The following KIF26B variants were observed in gnomAD, a reference collection of about 807,000 sequenced individuals.
The protein encoded by KIF26B is kinesin-like protein KIF26B.
Under a neutral mutation model 151.2 loss-of-function variants are expected in KIF26B, and 63 were observed. The ratio of observed to expected loss-of-function variants is 0.42; its 90% CI spans 0.34 to 0.51. The LOEUF is 0.51. Ranked by LOEUF, KIF26B falls within the 20% of genes least tolerant of loss-of-function variation. The pLI, the probability that KIF26B is intolerant of heterozygous loss-of-function variation, is 0.07. For missense variants in KIF26B, 2,813 were observed against 2,913.6 expected, an observed-to-expected ratio of 0.97 and a Z score of 0.79; for synonymous variants, 1,357 against 1,262.1, an observed-to-expected ratio of 1.08 and a Z score of -1.59.
At chr1:245,396,856 A>G (rs934078025) in intron 3 of KIF26B, among the ~76,000 whole-genome samples, 23 of 152,132 alleles carry the variant, frequency 1.5e-4, no homozygotes, top group African/African-American at 5.3e-4. Context: ...TGTGAAATAC[A>G]TGATGTTTCC....
chr1:245,544,995 A>T (rs1661706222), intron 5 of KIF26B, among the ~76,000 whole-genome samples: 1 of 152,136 alleles, frequency 6.6e-6, no homozygotes, highest in Non-Finnish European at 1.5e-5. Flanking sequence ...GAAGAAATGG[A>T]GGTAATTTCC....
At chr1:245,599,999 G>A (rs891303804) in intron 5 of KIF26B, among the ~76,000 whole-genome samples, 2 of 151,674 alleles carry the variant, frequency 1.3e-5, no homozygotes, top group East Asian at 2.0e-4. Context: ...TGTGATTCAC[G>A]CTATCCAGAG....
At chr1:245,482,196 A>G (rs1660180854) in intron 4 of KIF26B, among the ~76,000 whole-genome samples, 1 of 151,768 alleles carries the variant, frequency 6.6e-6, no homozygotes, top group Admixed American at 6.6e-5. Flanking sequence ...AGTTCAAGCC[A>G]TTCTCCTGCC....
At position 245,280,536 on chromosome 1, in the gene KIF26B, A is replaced by AC. The variant is rs1346653250; in HGVS notation, c.466-86298_466-86297insC. 5.4e-5 allele frequency among the ~76,000 whole-genome samples: 8 copies of AC among 147,140 alleles called. 1 individual carries two copies. The highest frequency in any genetic ancestry group is 1.2e-4 in the Non-Finnish European group (8 of 66,882). ...ACAGAGCGAGACTCTGTCTCAAAAA[A>AC]AAAAAGAAAAGAAATTATTTTAGGC... On this transcript the variant is annotated intron_variant, in intron 2 of 14. Coordinates refer to ENST00000407071, the MANE Select transcript of KIF26B (RefSeq NM_018012.4).
intron 2 of KIF26B, among the ~76,000 whole-genome samples, chr1:245,355,876 G>A (rs1320628318): frequency 6.6e-6 from 1 of 152,198 alleles, no homozygotes; most frequent in Non-Finnish European, 1.5e-5. Context: ...CAGCTGGGGT[G>A]AGGCCCTTGA....
chr1:245,702,523 G>A lies in KIF26B; in HGVS notation c.6244G>A (p.Glu2082Lys). 1 of 1,613,910 alleles carries A rather than the reference G, an allele frequency of 6.2e-7. No homozygotes were observed. Among genetic ancestry groups the A allele is most frequent in the South Asian group, 1.1e-5 (1 of 91,074 alleles). The change falls in exon 15 of 15, where the codon GAG becomes AAG. Residue 2082 changes from glutamate to lysine, a missense_variant. By Grantham distance (56) the Glu-to-Lys change is moderately conservative. Coordinates refer to ENST00000407071, the MANE Select transcript of KIF26B (RefSeq NM_018012.4). This position sits in a 1 kb window ranked among gnomAD's most constrained non-coding sequence, Gnocchi z 4.1. Reference protein sequence around the residue: ...EYLEALECVTERLESRVNFCK... With the variant: ...EYLEALECVTKRLESRVNFCK... Reference sequence around the variant, plus strand: ...CCTGGAGGCACTGGAGTGTGTGACGGAGCGCCTGGAGAGCCGTGTCAACTT... The same window carrying A: ...CCTGGAGGCACTGGAGTGTGTGACGAAGCGCCTGGAGAGCCGTGTCAACTT...
At chr1:245,386,753 A>G (rs1673556047) in intron 3 of KIF26B, among the ~76,000 whole-genome samples, 1 of 152,170 alleles carries the variant, frequency 6.6e-6, no homozygotes, top group Non-Finnish European at 1.5e-5. Flanking sequence ...AAATGTCACC[A>G]CTTATTTTGT....
intron 5 of KIF26B, among the ~76,000 whole-genome samples, chr1:245,547,855 G>A (rs1329322311): frequency 6.6e-6 from 1 of 152,110 alleles, no homozygotes; most frequent in Non-Finnish European, 1.5e-5. Flanking sequence ...CCCACAGTGA[G>A]CAGGGAGGAC....
intron 3 of KIF26B, among the ~76,000 whole-genome samples, chr1:245,386,510 G>C (rs1379816169): frequency 6.6e-6 from 1 of 152,082 alleles, no homozygotes; most frequent in African/African-American, 2.4e-5. Context: ...GCCCATCTGG[G>C]CTGCCACTAT....
intron 10 of KIF26B, among the ~76,000 whole-genome samples, chr1:245,653,987 C>G (rs1189415172): frequency 6.6e-6 from 1 of 152,104 alleles, no homozygotes; most frequent in Non-Finnish European, 1.5e-5. Context: ...CGCTTGAACC[C>G]AGGAGGTTGA....
At chr1:245,425,705 G>A (rs1658630442) in intron 4 of KIF26B, among the ~76,000 whole-genome samples, 1 of 152,210 alleles carries the variant, frequency 6.6e-6, no homozygotes, top group Non-Finnish European at 1.5e-5. Flanking sequence ...GCGCCCAGCT[G>A]TGTTTTTTTA....
At chr1:245,304,100 T>C (rs982901009) in intron 2 of KIF26B, among the ~76,000 whole-genome samples, 7 of 152,334 alleles carry the variant, frequency 4.6e-5, no homozygotes, top group Middle Eastern at 3.4e-3. Context: ...TGCAGGAGTA[T>C]AAGCCAGCCA....
intron 2 of KIF26B, among the ~76,000 whole-genome samples, chr1:245,194,461 C>T (rs1306864701): frequency 1.3e-5 from 2 of 152,206 alleles, no homozygotes; most frequent in East Asian, 3.8e-4. Context: ...CGGCTCACTG[C>T]AACCCCTTGG....
chr1:245,284,212 T>C (rs12736426), intron 2 of KIF26B, among the ~76,000 whole-genome samples: 18,131 of 152,214 alleles, frequency 0.12, 1,327 homozygotes, highest in African/African-American at 0.2. Context: ...TATGTATTTT[T>C]CTCAACATAC....
At chr1:245,636,660 C>T (rs1165804023) in intron 9 of KIF26B, among the ~76,000 whole-genome samples, 3 of 152,024 alleles carry the variant, frequency 2.0e-5, no homozygotes, top group African/African-American at 7.2e-5. Flanking sequence ...CTCTGCCCTT[C>T]CCTTCCCAGC....
chr1:245,374,081 A>T (rs1673197568), intron 3 of KIF26B, among the ~76,000 whole-genome samples: 3 of 33,624 alleles, frequency 8.9e-5, no homozygotes, highest in African/African-American at 2.5e-4. Context: ...AAAAAAAAAA[A>T]AAAAAAAAAA....
At chr1:245,615,979 T>G (rs2043586236) in intron 9 of KIF26B, among the ~76,000 whole-genome samples, 2 of 152,216 alleles carry the variant, frequency 1.3e-5, no homozygotes, top group Admixed American at 1.3e-4. Context: ...AGTTTATTAA[T>G]TAGTCACCCT....
rs1419048034 is a variant in KIF26B, at chr1:245,231,276, A to C, written c.465+74593A>C. ...ACATCCATAATCCCAGCACTTTGGG[A>C]GGCTGAGGTGGGCAGATCACCTGAG... is the stretch of plus-strand genomic sequence containing the variant. On this transcript the variant is annotated intron_variant, in intron 2 of 14. Transcript: ENST00000407071. 3.3e-5 allele frequency among the ~76,000 whole-genome samples: 5 copies of C among 152,170 alleles called. 1 individual carries two copies. Among genetic ancestry groups the C allele is most frequent in the South Asian group, 4.1e-4 (2 of 4,832 alleles).
chr1:245,686,280 G>A lies in KIF26B; in HGVS notation c.3297G>A (p.Pro1099=), dbSNP rs200052878. ...CKVYTQKGVL[P]SPAPLPPSSK... ...TCTACACCCAGAAGGGGGTCCTGCC[G>A]TCTCCCGCCCCACTGCCTCCCTCGA... The change falls in exon 12 of 15, where the codon CCG becomes CCA. Residue 1099 remains proline (P), a synonymous_variant. Transcript: ENST00000407071. The surrounding 1 kb of genome is among the most constrained non-coding windows in gnomAD (Gnocchi z 5.6). 36 of 1,612,948 alleles carry A rather than the reference G, an allele frequency of 2.2e-5. No homozygotes were observed. The highest frequency in any genetic ancestry group is 1.2e-4 in the African/African-American group (9 of 75,060).
Sources: gnomAD v4.1 joint callset for allele counts (sites outside exome capture counted in the v4.1 genomes callset) on GRCh38, gnomAD v4.1.1 for gene constraint, Gnocchi (gnomAD v3.1) non-coding constraint, MANE v1.5 for transcripts, NCBI Gene and HGNC (gene_info 2026-07-23, HGNC 2026-07-21) for gene names.